The following BAZ1B variants were observed in gnomAD, a reference collection of about 807,000 sequenced individuals.
BAZ1B encodes the protein bromodomain adjacent to zinc finger domain 1B, also known as tyrosine-protein kinase BAZ1B.
A neutral mutation model predicts 153.8 loss-of-function variants in BAZ1B; 22 were observed. The observed-to-expected ratio is 0.14, with a 90% CI of 0.10 to 0.20. The LOEUF is 0.20. Among genes scored for constraint, BAZ1B ranks in the 10% least tolerant of loss-of-function variants. BAZ1B has a pLI of 1.00. For missense variants in BAZ1B, 1,325 were observed against 1,799.3 expected (o/e 0.74, Z 4.77); for synonymous variants, 676 against 633.4 (o/e 1.07, Z -1.01).
At chr7:73,475,291 G>A (rs62465146) in intron 7 of BAZ1B, among the ~76,000 whole-genome samples, 9,321 of 152,174 alleles carry the variant, frequency 0.061, 326 homozygotes, top group African/African-American at 0.078. Flanking sequence ...TGGCAGCATT[G>A]TTCATAATAG....
intron 16 of BAZ1B, among the ~76,000 whole-genome samples, chr7:73,446,249 T>C (rs1157747038): frequency 3.9e-5 from 6 of 152,138 alleles, no homozygotes; most frequent in Non-Finnish European, 8.8e-5. Flanking sequence ...CAAAAGCTCA[T>C]TAGAATTTTG....
intron 14 of BAZ1B, 146 bp from the exon 15 acceptor site, chr7:73,449,835 G>T: frequency 1.2e-6 from 1 of 825,070 alleles, no homozygotes; most frequent in Non-Finnish European, 1.7e-6. Context: ...TGTAAATGCA[G>T]GCATTTTCTA....
intron 15 of BAZ1B, among the ~76,000 whole-genome samples, chr7:73,448,086 C>T (rs1787903020): frequency 6.6e-6 from 1 of 152,208 alleles, no homozygotes; most frequent in Non-Finnish European, 1.5e-5. Context: ...AGGCGGATCA[C>T]CTAAGGTCGG....
In BAZ1B at chr7:73,447,334, CTCA is replaced by C. The variant is rs782766258; in HGVS notation, c.3771_3773del (p.Asp1257del). 1.5e-5 allele frequency: 24 copies of C among 1,613,454 alleles called. No homozygotes were observed. In the Admixed American group the frequency reaches 3.0e-4, roughly 20 times the overall value. On this transcript the variant is annotated inframe_deletion, in exon 16 of 20. Transcript: ENST00000339594. ...CTTCCTCCTCCTCCTCTTCATCACTCTCATCATCTTCACTGTCCTCAGAAGCAG... is the reference window on the plus strand; with the variant it reads ...CTTCCTCCTCCTCCTCTTCATCACTCTCATCTTCACTGTCCTCAGAAGCAG...
chr7:73,443,324 T>C (rs1433749170), intron 17 of BAZ1B, among the ~76,000 whole-genome samples: 1 of 151,336 alleles, frequency 6.6e-6, no homozygotes, highest in Non-Finnish European at 1.5e-5. Flanking sequence ...ACCGTAGACA[T>C]GTGAGGGTTA....
chr7:73,463,027 G>T lies in BAZ1B; in HGVS notation c.3144C>A (p.Asn1048Lys), dbSNP rs1554570622. Residue 1048 changes from asparagine (N) to lysine (K), a missense_variant, in exon 12 of 20, where the codon AAC becomes AAA. Coordinates refer to ENST00000339594, the MANE Select transcript of BAZ1B (RefSeq NM_032408.4). ...PNLGLKSCDG[N>K]QELLNFLRSD... ...TACGAAGGAAGTTTAAAAGCTCCTG[G>T]TTGCCATCACAAGATTTTAGACCCA... The T allele has an allele frequency of 6.2e-7, 1 of 1,613,894 alleles. No homozygotes were observed.
At chr7:73,509,728 G>A (rs958062067) in intron 2 of BAZ1B, among the ~76,000 whole-genome samples, 11 of 151,204 alleles carry the variant, frequency 7.3e-5, no homozygotes, top group African/African-American at 2.4e-4. Context: ...ACCAGGAAGC[G>A]TTAACATGTT....
intron 11 of BAZ1B, chr7:73,464,261 G>A (rs1335540741): frequency 3.5e-5 from 22 of 626,610 alleles, no homozygotes; most frequent in Non-Finnish European, 3.8e-5. Context: ...CCAAAATCTT[G>A]TCCTGGCTTT....
intron 6 of BAZ1B, among the ~76,000 whole-genome samples, chr7:73,483,144 G>A (rs782198033): frequency 5.3e-5 from 8 of 152,106 alleles, no homozygotes; most frequent in Middle Eastern, 3.4e-3. Flanking sequence ...TGACTGTCTC[G>A]GCAACATGGA....
chr7:73,464,469 T>G (rs202018981), intron 11 of BAZ1B, among the ~76,000 whole-genome samples: 1 of 152,212 alleles, frequency 6.6e-6, no homozygotes, highest in East Asian at 1.9e-4. Flanking sequence ...ATCTCTTACC[T>G]GTTAGCAATC....
chr7:73,447,223 A>G, intron 16 of BAZ1B, 41 bp downstream of exon 16: 1 of 1,612,580 alleles, frequency 6.2e-7, no homozygotes, highest in Non-Finnish European at 8.5e-7. Context: ...CCAAGCTTAG[A>G]AGACTGTGAA....
chr7:73,511,710 TC>T (rs1790585414), intron 1 of BAZ1B, among the ~76,000 whole-genome samples: 1 of 151,394 alleles, frequency 6.6e-6, no homozygotes, highest in Non-Finnish European at 1.5e-5. Context: ...TTCAGAAAAC[TC>T]AGACAAGTTT....
chr7:73,499,088 T>C (rs946703690), intron 3 of BAZ1B, among the ~76,000 whole-genome samples: 1 of 152,086 alleles, frequency 6.6e-6, no homozygotes, highest in Non-Finnish European at 1.5e-5. Context: ...TGCAGTGGTA[T>C]GATCTCGGCT....
chr7:73,455,646 T>C (rs1285391835), intron 13 of BAZ1B, among the ~76,000 whole-genome samples: 1 of 151,990 alleles, frequency 6.6e-6, no homozygotes, highest in Non-Finnish European at 1.5e-5. Context: ...CTGGGCATGG[T>C]GACACTCGCC....
Position 73,462,936 on chromosome 7 carries a change from C to G in BAZ1B, c.3235G>C (p.Glu1079Gln), listed in dbSNP as rs782495034. 1 of 1,614,030 alleles carries G rather than the reference C, an allele frequency of 6.2e-7. No homozygotes were observed. Among genetic ancestry groups the G allele is most frequent in the Non-Finnish European group, 8.5e-7 (1 of 1,179,968 alleles). The change falls in exon 12 of 20, where the codon GAA (glutamate) becomes CAA (glutamine). Residue 1079 changes from glutamate (E) to glutamine (Q), a missense_variant. Glu to Gln is a conservative substitution (Grantham distance 29). Around this residue, in one of 9 missense-constraint regions of BAZ1B, gnomAD observed 431 missense variants for 563.5 expected, o/e 0.76. Transcript: ENST00000339594. ...GGLGYVEETS[E>Q]FEARVISLEK... ...TATATTCCTACCCGGGCTTCAAATTCTGATGTTTCTTCCACATATCCAAGT... is the reference window on the plus strand; with the variant it reads ...TATATTCCTACCCGGGCTTCAAATTGTGATGTTTCTTCCACATATCCAAGT...
At chr7:73,456,953 A>T (rs1554569640) in intron 13 of BAZ1B, among the ~76,000 whole-genome samples, 1 of 92,440 alleles carries the variant, frequency 1.1e-5, no homozygotes, top group African/African-American at 4.5e-5. Context: ...AAAAAAAAAA[A>T]AAAAAAAAAA....
chr7:73,443,939 A>G (rs1787725403), intron 17 of BAZ1B, 45 bp downstream of exon 17: 6 of 1,609,506 alleles, frequency 3.7e-6, no homozygotes, highest in Non-Finnish European at 5.1e-6. Context: ...GGGGTAGGGA[A>G]TAAGAAACAG....
At chr7:73,453,037 T>A (rs567847304) in intron 13 of BAZ1B, among the ~76,000 whole-genome samples, 1 of 152,208 alleles carries the variant, frequency 6.6e-6, no homozygotes, top group South Asian at 2.1e-4. Context: ...TGAGAGACAA[T>A]CCATTTTTAT....
chr7:73,486,750 TC>T (rs1213460489), intron 6 of BAZ1B, among the ~76,000 whole-genome samples: 1 of 152,150 alleles, frequency 6.6e-6, no homozygotes, highest in Non-Finnish European at 1.5e-5. Flanking sequence ...AGAGAAAACA[TC>T]CCATGCCTTT....
Sources: allele counts gnomAD v4.1 joint callset (sites outside exome capture counted in the v4.1 genomes callset), GRCh38; gene constraint gnomAD v4.1.1; regional missense constraint gnomAD v4.1.1; transcripts MANE v1.5; gene names NCBI Gene and HGNC (gene_info 2026-07-23, HGNC 2026-07-21).